Variants in ARHGEF9 observed in about 807,000 individuals in gnomAD.
The protein encoded by ARHGEF9 is rho guanine nucleotide exchange factor 9.
ARHGEF9 carries 2 observed loss-of-function variants against 41.3 expected under a neutral mutation model. That is an observed-to-expected ratio of 0.05 (90% confidence interval 0.02 to 0.15). The LOEUF is 0.15. Ranked by LOEUF, ARHGEF9 falls within the 10% of genes least tolerant of loss-of-function variation. The pLI is 1.00. For synonymous variants in ARHGEF9, 160 were observed against 154.4 expected (o/e 1.04, Z -0.27); for missense variants, 225 against 424.7 (o/e 0.53, Z 4.13).
chrX:63,782,205 A>G (rs1490612631), intron 1 of ARHGEF9, among the ~76,000 whole-genome samples: 2 of 111,911 alleles, frequency 1.8e-5, no homozygotes, highest in Non-Finnish European at 3.8e-5. Flanking sequence ...AACTTAGATC[A>G]GTGTCATTTC....
chrX:63,646,194 A>G (rs1198317481), intron 8 of ARHGEF9, among the ~76,000 whole-genome samples: 3 of 111,429 alleles, frequency 2.7e-5, no homozygotes, highest in Non-Finnish European at 5.7e-5. Flanking sequence ...GTTCACTCTG[A>G]TGGTAGTTTC....
chrX:63,644,004 C>A lies in ARHGEF9; in HGVS notation c.1366G>T (p.Val456Leu). The A allele has an allele frequency of 8.3e-7, 1 of 1,210,704 alleles. No homozygotes were observed. Among genetic ancestry groups the A allele is most frequent in the South Asian group, 1.8e-5 (1 of 56,817 alleles). The change falls in exon 9 of 10, where the codon GTG (valine) becomes TTG (leucine). Residue 456 changes from valine to leucine, a missense_variant. Val to Leu is a conservative substitution (Grantham distance 32). Coordinates refer to ENST00000671741, the MANE Select transcript of ARHGEF9 (RefSeq NM_001353921.2). ...CCTTTTTGCTTAGGGACTTTTCTCA[C>A]AGTCATTGCAGCCTGCCTCTTCTGG... is the stretch of plus-strand genomic sequence containing the variant. ...ENQKRQAAMT[V>L]RKVPKQKGVN...
rs1296378486 is a variant in ARHGEF9, at chrX:63,684,919, GA to G, written c.583-6348del. 5.9e-3 allele frequency among the ~76,000 whole-genome samples: 588 copies of G among 99,535 alleles called. 3 individuals carry two copies. Among genetic ancestry groups the G allele is most frequent in the African/African-American group, 0.02 (552 of 27,378 alleles). The allele number at this position is 99,535 out of a possible 115,157, so 86.4% of individuals were successfully genotyped here. On this transcript the variant is annotated intron_variant, in intron 4 of 9. Transcript: ENST00000671741. Reference sequence around the variant, plus strand: ...TTTCACTTATATGTGGAATCAAAAGGAAAAAAAAAATGAATACATAGAAACA... The same window carrying G: ...TTTCACTTATATGTGGAATCAAAAGGAAAAAAAAATGAATACATAGAAACA...
chrX:63,703,600 A>T (rs192284452), intron 3 of ARHGEF9, among the ~76,000 whole-genome samples: 2 of 112,301 alleles, frequency 1.8e-5, no homozygotes, highest in African/African-American at 3.2e-5. Context: ...TCTACTATGT[A>T]CCAGGCACTG....
At chrX:63,664,411 G>A (rs782045914) in intron 7 of ARHGEF9, among the ~76,000 whole-genome samples, 5 of 112,267 alleles carry the variant, frequency 4.5e-5, no homozygotes, top group African/African-American at 6.5e-5. Flanking sequence ...AGGGCCTAGG[G>A]GGTGCAGAAC....
At chrX:63,744,689 A>T (rs1258916836) in intron 1 of ARHGEF9, among the ~76,000 whole-genome samples, 8 of 111,596 alleles carry the variant, frequency 7.2e-5, no homozygotes, top group African/African-American at 2.6e-4. Flanking sequence ...AAAGTGTAAG[A>T]CTGTTCAAGA....
In ARHGEF9 at chrX:63,637,407, A is replaced by T; in HGVS notation, c.*621T>A. The T allele has an allele frequency of 3.4e-6, 1 of 294,974 alleles. No homozygotes were observed. Among genetic ancestry groups the T allele is most frequent in the Non-Finnish European group, 5.9e-6 (1 of 169,174 alleles). 24.3% of individuals were successfully genotyped at this position (294,974 alleles called of 1,213,427 possible). A position where few individuals can be genotyped will look rare whatever the true frequency, so the allele number is the denominator to read the frequency against. On this transcript the variant is annotated 3_prime_UTR_variant, in exon 10 of 10. Coordinates refer to ENST00000671741, the MANE Select transcript of ARHGEF9 (RefSeq NM_001353921.2). ...CATGACTGAGGACAGAGGATGCTGA[A>T]AAAAGGTTATTTGGGGCAACTGCAG...
chrX:63,723,490 A>G (rs1207957977), intron 2 of ARHGEF9, among the ~76,000 whole-genome samples: 1 of 111,937 alleles, frequency 8.9e-6, no homozygotes, highest in Middle Eastern at 4.7e-3. Flanking sequence ...TACAGGAGAA[A>G]CTAACAAAAC....
At chrX:63,639,658 C>T (rs1169395520) in intron 9 of ARHGEF9, 1 of 111,914 alleles carries the variant, frequency 8.9e-6, no homozygotes, top group Non-Finnish European at 1.9e-5. Flanking sequence ...GAGATATTTG[C>T]ACTCCTATGT....
intron 1 of ARHGEF9, among the ~76,000 whole-genome samples, chrX:63,742,215 T>G (rs1376157463): frequency 8.9e-6 from 1 of 111,810 alleles, no homozygotes; most frequent in East Asian, 2.8e-4. Context: ...CTAGAGAGAA[T>G]AGGCAAAGAT....
intron 8 of ARHGEF9, among the ~76,000 whole-genome samples, chrX:63,648,313 A>G (rs1454760631): frequency 5.4e-5 from 6 of 111,477 alleles, no homozygotes; most frequent in African/African-American, 2.0e-4. Flanking sequence ...CTTAAAGAAA[A>G]TAATTTTCAA....
At chrX:63,714,207 A>G (rs1556408721) in intron 2 of ARHGEF9, among the ~76,000 whole-genome samples, 1 of 109,787 alleles carries the variant, frequency 9.1e-6, no homozygotes, top group Non-Finnish European at 1.9e-5. Flanking sequence ...GTTTATTCAC[A>G]CCTCTGTACC....
chrX:63,703,109 T>G (rs1187679519), intron 3 of ARHGEF9: 1 of 112,317 alleles, frequency 8.9e-6, no homozygotes, highest in African/African-American at 3.2e-5. Flanking sequence ...TTTCTCCACT[T>G]CCCTTTGATG....
intron 1 of ARHGEF9, among the ~76,000 whole-genome samples, chrX:63,775,773 A>G (rs1214055410): frequency 9.0e-6 from 1 of 111,650 alleles, no homozygotes; most frequent in Non-Finnish European, 1.9e-5. Flanking sequence ...AAACCCCATG[A>G]CACACAATTT....
chrX:63,740,660 T>C (rs1286074981), intron 1 of ARHGEF9, among the ~76,000 whole-genome samples: 2 of 111,559 alleles, frequency 1.8e-5, no homozygotes, highest in African/African-American at 6.5e-5. Flanking sequence ...TAGTTAATAG[T>C]AACCCAACTG....
chrX:63,658,645 C>T (rs782718129), intron 7 of ARHGEF9, among the ~76,000 whole-genome samples: 5 of 111,975 alleles, frequency 4.5e-5, no homozygotes, highest in Non-Finnish European at 9.4e-5. Context: ...TTTCTTGCTC[C>T]TGGGCCAGTG....
At chrX:63,763,525 A>G (rs1359439330) in intron 1 of ARHGEF9, among the ~76,000 whole-genome samples, 1 of 104,031 alleles carries the variant, frequency 9.6e-6, no homozygotes, top group African/African-American at 3.6e-5. Context: ...AGTAGTATAT[A>G]GCCTAATGGC....
chrX:63,690,664 A>G (rs2051282243), intron 4 of ARHGEF9, among the ~76,000 whole-genome samples: 1 of 111,770 alleles, frequency 8.9e-6, no homozygotes, highest in African/African-American at 3.2e-5. Context: ...TACCCAAACC[A>G]GACAAAAACA....
At chrX:63,760,529 AG>A (rs2056016016) in intron 1 of ARHGEF9, among the ~76,000 whole-genome samples, 1 of 112,110 alleles carries the variant, frequency 8.9e-6, no homozygotes, top group African/African-American at 3.2e-5. Context: ...AGAGCTAATC[AG>A]TGATGCACAT....
Sources: gnomAD v4.1 joint callset for allele counts (sites outside exome capture counted in the v4.1 genomes callset) on GRCh38, gnomAD v4.1.1 for gene constraint, MANE v1.5 for transcripts, NCBI Gene and HGNC (gene_info 2026-07-23, HGNC 2026-07-21) for gene names.